The following ROR2 variants were observed in gnomAD, a reference collection of about 807,000 sequenced individuals.
ROR2 encodes tyrosine-protein kinase transmembrane receptor ROR2.
In ROR2, 33 loss-of-function variants were observed where a neutral mutation model predicts 74.9. The ratio of observed to expected loss-of-function variants is 0.44; its 90% CI spans 0.33 to 0.59. ROR2 has a LOEUF of 0.59. ROR2 is among the 20% of genes least tolerant of loss of function. ROR2 has a pLI of 0.02. For missense variants in ROR2, 1,216 were observed against 1,313.8 expected (o/e 0.93, Z 1.15); for synonymous variants, 586 against 558.7 (o/e 1.05, Z -0.69).
chr9:91,890,730 G>C (rs566472993), intron 1 of ROR2, among the ~76,000 whole-genome samples: 1 of 152,312 alleles, frequency 6.6e-6, no homozygotes, highest in African/African-American at 2.4e-5. Flanking sequence ...GGGACGACCA[G>C]AGCAGCACTG....
At position 91,737,453 on chromosome 9, in the gene ROR2, C is replaced by T; in HGVS notation, c.560G>A (p.Gly187Asp). ...CGAGTCCACATAAATGGTCCGGTTGCCAATGAAGCGTGCACAGGCAATTCC... is the reference window on the plus strand; with the variant it reads ...CGAGTCCACATAAATGGTCCGGTTGTCAATGAAGCGTGCACAGGCAATTCC... ...YRGIACARFI[G>D]NRTIYVDSLQ... Residue 187 changes from glycine (G) to aspartate (D), a missense_variant, in exon 5 of 9, where the codon GGC becomes GAC. Gly to Asp is a moderately conservative substitution (Grantham distance 94). Coordinates refer to ENST00000375708, the MANE Select transcript of ROR2 (RefSeq NM_004560.4). 1 of 1,614,154 alleles carries T rather than the reference C, an allele frequency of 6.2e-7. No individual in the cohort carries two copies. Among genetic ancestry groups the T allele is most frequent in the African/African-American group, 1.3e-5 (1 of 75,030 alleles).
chr9:91,759,939 T>C (rs910390850), intron 2 of ROR2, among the ~76,000 whole-genome samples: 4 of 152,204 alleles, frequency 2.6e-5, no homozygotes, highest in African/African-American at 7.2e-5. Context: ...TCTCCCCAAG[T>C]AGGTGAGTAA....
intron 7 of ROR2, among the ~76,000 whole-genome samples, chr9:91,728,817 G>A (rs1325627516): frequency 3.3e-5 from 5 of 152,184 alleles, no homozygotes; most frequent in Non-Finnish European, 7.3e-5. Context: ...TTGGACAGCA[G>A]CTCATGTTGG....
In ROR2 at chr9:91,853,040, C is replaced by T. The variant is rs114149796; in HGVS notation, c.98-77222G>A. ...GGGCGGGGGTGAGGGTAAAAATAAC[C>T]ACCATGGAGCGTGGAGGACCAGCCC... On this transcript the variant is annotated intron_variant, in intron 1 of 8. Transcript: ENST00000375708. Among the ~76,000 whole-genome samples the T allele has an allele frequency of 4.5e-3, 683 of 152,328 alleles. 6 individuals are homozygous for T. Among genetic ancestry groups the T allele is most frequent in the African/African-American group, 0.015 (637 of 41,572 alleles).
At chr9:91,940,372 T>C (rs536069754) in intron 1 of ROR2, among the ~76,000 whole-genome samples, 3 of 152,328 alleles carry the variant, frequency 2.0e-5, no homozygotes, top group Non-Finnish European at 2.9e-5. Flanking sequence ...GTGAAAAATA[T>C]ACAGCGGTTC....
chr9:91,803,394 G>A (rs1450659156), intron 1 of ROR2, among the ~76,000 whole-genome samples: 1 of 152,200 alleles, frequency 6.6e-6, no homozygotes, highest in Non-Finnish European at 1.5e-5. Flanking sequence ...GCTGCCAGAG[G>A]CTGGAGGAGG....
At chr9:91,949,822 G>A (rs1370751852) in intron 1 of ROR2, 45 bp downstream of exon 1, 1 of 1,232,528 alleles carries the variant, frequency 8.1e-7, no homozygotes, top group East Asian at 2.6e-5. Flanking sequence ...GGCCAAGCGA[G>A]CCGTGAGCTA....
intron 1 of ROR2, among the ~76,000 whole-genome samples, chr9:91,801,878 G>A (rs1487921933): frequency 6.6e-6 from 1 of 152,164 alleles, no homozygotes; most frequent in Non-Finnish European, 1.5e-5. Context: ...GGCAAGGCAG[G>A]GTAAAGGACC....
intron 1 of ROR2, among the ~76,000 whole-genome samples, chr9:91,777,454 T>C (rs1274495696): frequency 6.6e-6 from 1 of 152,138 alleles, no homozygotes; most frequent in African/African-American, 2.4e-5. Flanking sequence ...ATTAGTTATC[T>C]GGAATTATAG....
chr9:91,813,168 C>A (rs1563977260), intron 1 of ROR2, among the ~76,000 whole-genome samples: 1 of 152,056 alleles, frequency 6.6e-6, no homozygotes, highest in Non-Finnish European at 1.5e-5. Flanking sequence ...AAGATTAATT[C>A]TCAGCAAAGG....
chr9:91,872,315 C>T (rs78407132), intron 1 of ROR2, among the ~76,000 whole-genome samples: 2,612 of 152,236 alleles, frequency 0.017, 86 homozygotes, highest in African/African-American at 0.059. Context: ...AGGCTGGCAC[C>T]GTTCGTCCTG....
At chr9:91,795,450 T>C (rs1827135992) in intron 1 of ROR2, among the ~76,000 whole-genome samples, 2 of 152,236 alleles carry the variant, frequency 1.3e-5, no homozygotes, top group Non-Finnish European at 2.9e-5. Flanking sequence ...ATACATGTAA[T>C]TGCCAACTAT....
At chr9:91,750,724 G>C (rs1420856034) in intron 4 of ROR2, among the ~76,000 whole-genome samples, 1 of 152,214 alleles carries the variant, frequency 6.6e-6, no homozygotes, top group African/African-American at 2.4e-5. Context: ...TCTCCACTCT[G>C]TGCATGTCCA....
At chr9:91,828,497 C>CAG in intron 1 of ROR2, among the ~76,000 whole-genome samples, 1 of 152,030 alleles carries the variant, frequency 6.6e-6, no homozygotes, top group Non-Finnish European at 1.5e-5. Flanking sequence ...GTGGATTACT[C>CAG]GAGTTCAGGA....
chr9:91,800,314 C>T (rs1017557038), intron 1 of ROR2, among the ~76,000 whole-genome samples: 1 of 151,086 alleles, frequency 6.6e-6, no homozygotes, highest in Non-Finnish European at 1.5e-5. Flanking sequence ...TGCCCTCTAG[C>T]CTGGGTGACA....
intron 1 of ROR2, among the ~76,000 whole-genome samples, chr9:91,934,686 A>C (rs1001761757): frequency 3.3e-5 from 5 of 152,166 alleles, no homozygotes; most frequent in Non-Finnish European, 7.3e-5. Flanking sequence ...AACTTGACTT[A>C]GTTCTTTTAA....
chr9:91,730,805 G>A (rs536013077), intron 7 of ROR2, 105 bp downstream of exon 7: 202 of 1,470,562 alleles, frequency 1.4e-4, no homozygotes, highest in Non-Finnish European at 1.7e-4. Context: ...GTCTCTGGTC[G>A]CCACCGTACA....
At chr9:91,935,171 TC>T (rs1202443866) in intron 1 of ROR2, among the ~76,000 whole-genome samples, 1 of 152,070 alleles carries the variant, frequency 6.6e-6, no homozygotes, top group Non-Finnish European at 1.5e-5. Flanking sequence ...ATTGCAAATC[TC>T]CTCCTTGCAC....
At chr9:91,783,579 C>T (rs929200682) in intron 1 of ROR2, among the ~76,000 whole-genome samples, 7 of 151,344 alleles carry the variant, frequency 4.6e-5, no homozygotes, top group Admixed American at 4.6e-4. Context: ...AGTCCTCCCA[C>T]TTCACCCCTC....
Sources: gnomAD v4.1 joint callset for allele counts (sites outside exome capture counted in the v4.1 genomes callset) on GRCh38, gnomAD v4.1.1 for gene constraint, MANE v1.5 for transcripts, NCBI Gene and HGNC (gene_info 2026-07-23, HGNC 2026-07-21) for gene names.